PRKG2: variants seen among roughly 807,000 people sequenced by gnomAD.
PRKG2 encodes the protein protein kinase cGMP-dependent 2.
A neutral mutation model predicts 97.2 loss-of-function variants in PRKG2; 33 were observed. That is an observed-to-expected ratio of 0.34 (90% CI 0.26 to 0.45). PRKG2 has a LOEUF of 0.45. PRKG2 is among the 20% of genes least tolerant of loss of function. The pLI, the probability that PRKG2 is intolerant of heterozygous loss-of-function variation, is 1.00. For synonymous variants in PRKG2, 330 were observed against 321.8 expected (o/e 1.03, Z -0.27); for missense variants, 638 against 900.0 (o/e 0.71, Z 3.73).
At chr4:81,158,027 G>A (rs1268848723) in intron 6 of PRKG2, among the ~76,000 whole-genome samples, 1 of 149,712 alleles carries the variant, frequency 6.7e-6, no homozygotes, top group Non-Finnish European at 1.5e-5. Context: ...CACAAGACAC[G>A]GATGCCCTCT....
At chr4:81,098,310 G>C (rs1742331398) in intron 17 of PRKG2, among the ~76,000 whole-genome samples, 1 of 122,846 alleles carries the variant, frequency 8.1e-6, no homozygotes, top group African/African-American at 5.3e-5. Flanking sequence ...GTGGGACCTT[G>C]TGATCGTGTG....
intron 10 of PRKG2, among the ~76,000 whole-genome samples, chr4:81,143,880 A>C (rs1358481122): frequency 6.6e-6 from 1 of 152,110 alleles, no homozygotes; most frequent in Non-Finnish European, 1.5e-5. Flanking sequence ...ATTTTGAAAA[A>C]ATTCTAACTA....
chr4:81,128,828 G>C (rs1442898144), intron 14 of PRKG2, among the ~76,000 whole-genome samples: 1 of 151,924 alleles, frequency 6.6e-6, no homozygotes, highest in Non-Finnish European at 1.5e-5. Context: ...ATCTTCTTCA[G>C]TTCTGTTCTG....
intron 14 of PRKG2, among the ~76,000 whole-genome samples, chr4:81,119,064 T>C (rs958686633): frequency 6.6e-6 from 1 of 152,218 alleles, no homozygotes; most frequent in Non-Finnish European, 1.5e-5. Context: ...CTCAAAGTGC[T>C]AGGATTACAG....
At chr4:81,188,273 T>G (rs1409903637) in intron 2 of PRKG2, among the ~76,000 whole-genome samples, 1 of 150,408 alleles carries the variant, frequency 6.6e-6, no homozygotes, top group Non-Finnish European at 1.5e-5. Flanking sequence ...CATGAAAAAA[T>G]GCTCACCATC....
At chr4:81,217,029 T>TTTTATATATATATA (rs1754297696), upstream of PRKG2, among the ~76,000 whole-genome samples, 1 of 88,150 alleles carries the variant, frequency 1.1e-5, no homozygotes, top group South Asian at 3.1e-4. Context: ...TGTATATATT[T>TTTTATATATATATA]TGTATATATA....
At chr4:81,212,519 A>C (rs1754033877) in intron 1 of PRKG2, among the ~76,000 whole-genome samples, 2 of 152,192 alleles carry the variant, frequency 1.3e-5, no homozygotes, top group Non-Finnish European at 2.9e-5. Context: ...ACTGGGTAAA[A>C]GGTAATGTCA....
At chr4:81,108,595 T>C (rs1743596452) in intron 15 of PRKG2, among the ~76,000 whole-genome samples, 1 of 152,028 alleles carries the variant, frequency 6.6e-6, no homozygotes, top group African/African-American at 2.4e-5. Flanking sequence ...AAAACAATTG[T>C]TACAAAAACA....
chr4:81,104,493 A>T, intron 16 of PRKG2, 61 bp from the exon 17 acceptor site: 1 of 809,698 alleles, frequency 1.2e-6, no homozygotes, highest in African/African-American at 1.8e-5. Context: ...ATTATAATTC[A>T]GAAAATTTTA....
chr4:81,171,546 C>A, intron 4 of PRKG2, 145 bp downstream of exon 4: 1 of 543,786 alleles, frequency 1.8e-6, no homozygotes, highest in Non-Finnish European at 3.0e-6. Context: ...AGTATAAATC[C>A]CTTAATAGGC....
intron 6 of PRKG2, among the ~76,000 whole-genome samples, chr4:81,156,262 A>G (rs1749082662): frequency 6.6e-6 from 1 of 152,184 alleles, no homozygotes; most frequent in Non-Finnish European, 1.5e-5. Flanking sequence ...AAAACAAAAA[A>G]AGGCAGGGGT....
intron 1 of PRKG2, among the ~76,000 whole-genome samples, chr4:81,208,738 G>A (rs527873487): frequency 3.3e-5 from 5 of 152,062 alleles, no homozygotes; most frequent in African/African-American, 7.2e-5. Context: ...GGTGGTGGCC[G>A]GGAGTAAGGG....
At chr4:81,181,496 AAAGG>A (rs1312192233) in intron 2 of PRKG2, among the ~76,000 whole-genome samples, 2 of 151,858 alleles carry the variant, frequency 1.3e-5, no homozygotes, top group Non-Finnish European at 2.9e-5. Context: ...TGAACTCAAA[AAAGG>A]AAGGAAGAAA....
intron 6 of PRKG2, among the ~76,000 whole-genome samples, chr4:81,155,857 T>C (rs1417658320): frequency 6.6e-6 from 1 of 151,822 alleles, no homozygotes; most frequent in Non-Finnish European, 1.5e-5. Context: ...AGAAATAAAA[T>C]CCTTTACAGA....
intron 6 of PRKG2, among the ~76,000 whole-genome samples, chr4:81,163,988 T>G (rs1374726743): frequency 1.3e-5 from 2 of 152,144 alleles, no homozygotes; most frequent in South Asian, 4.1e-4. Flanking sequence ...CTAGTTAATC[T>G]TTGTTTTCCA....
Position 81,141,271 on chromosome 4 carries a change from A to G in PRKG2, c.1408-602T>C, listed in dbSNP as rs968584209. 7.2e-5 allele frequency among the ~76,000 whole-genome samples: 11 copies of G among 152,344 alleles called. No homozygotes were observed. The East Asian group carries it at 2.1e-3, about 29-fold the overall frequency. ...AGCAATCCTTCCACCTTGGCTTCCC[A>G]AAGTGCTGGGATTATAAGCATGAGC... On this transcript the variant is annotated intron_variant, in intron 11 of 18. Transcript: ENST00000264399.
In PRKG2 at chr4:81,136,117, G is replaced by C. The variant is rs183589839; in HGVS notation, c.1635-821C>G. On this transcript the variant is annotated intron_variant, in intron 13 of 18. Coordinates refer to ENST00000264399, the MANE Select transcript of PRKG2 (RefSeq NM_006259.3). ...TTTGCCTATTGAAGCAAAGATAGAAGACGCTAATGCATTTGCAGGTATCAC... is the reference window on the plus strand; with the variant it reads ...TTTGCCTATTGAAGCAAAGATAGAACACGCTAATGCATTTGCAGGTATCAC... 2.8e-3 allele frequency among the ~76,000 whole-genome samples: 433 copies of C among 152,216 alleles called. 6 individuals carry two copies. Among genetic ancestry groups the C allele is most frequent in the Middle Eastern group, 0.017 (5 of 294 alleles).
At position 81,153,748 on chromosome 4, in the gene PRKG2, G is replaced by GT. The variant is rs763989954; in HGVS notation, c.913-28dup. 138 of 1,544,346 alleles carry GT rather than the reference G, an allele frequency of 8.9e-5. 1 individual carries two copies. In the African/African-American group the frequency reaches 1.7e-3, roughly 19 times the overall value. On this transcript the variant is annotated intron_variant, in intron 6 of 18. Transcript: ENST00000264399. ...TGTTGGGATGAGAGAGAAAGAAAAT[G>GT]TAAGAGCGGGTGGAGCCAAGATGGC...
intron 2 of PRKG2, 79 bp from the exon 3 acceptor site, chr4:81,175,038 C>T: frequency 7.6e-7 from 1 of 1,323,048 alleles, no homozygotes; most frequent in East Asian, 2.4e-5. Context: ...TATTCTGATT[C>T]TCAATAATAT....
Sources: gnomAD v4.1 joint callset for allele counts (sites outside exome capture counted in the v4.1 genomes callset) on GRCh38, gnomAD v4.1.1 for gene constraint, MANE v1.5 for transcripts, NCBI Gene and HGNC (gene_info 2026-07-23, HGNC 2026-07-21) for gene names.